The following SPATA17 variants were observed in gnomAD, a reference collection of about 807,000 sequenced individuals.
The protein encoded by SPATA17 is spermatogenesis associated 17.
In SPATA17, 53 loss-of-function variants were observed where a neutral mutation model predicts 62.2. The observed-to-expected ratio is 0.85, with a 90% CI of 0.68 to 1.07. The LOEUF (loss-of-function observed/expected upper bound fraction) is 1.07, where lower values mean the gene tolerates loss of function less well. SPATA17 is among the 50% of genes least tolerant of loss of function. The probability of loss-of-function intolerance (pLI) is 0.00; values close to 1 mark genes in which losing one functional copy is unlikely to be tolerated. For missense variants in SPATA17, 466 were observed against 425.5 expected, an observed-to-expected ratio of 1.10 and a Z score of -0.84; for synonymous variants, 146 against 146.8, an observed-to-expected ratio of 0.99 and a Z score of 0.04.
chr1:217,858,594 A>G (rs1330980510), intron 9 of SPATA17, among the ~76,000 whole-genome samples: 1 of 152,112 alleles, frequency 6.6e-6, no homozygotes, highest in Non-Finnish European at 1.5e-5. Context: ...TTTATTATTG[A>G]TTCAGTTTTT....
intron 5 of SPATA17, among the ~76,000 whole-genome samples, chr1:217,704,868 T>C (rs1398473438): frequency 1.3e-5 from 2 of 152,214 alleles, no homozygotes; most frequent in African/African-American, 4.8e-5. Flanking sequence ...CGAACAGACA[T>C]GAGCACATGT....
chr1:217,743,664 C>T (rs1416488604), intron 6 of SPATA17, among the ~76,000 whole-genome samples: 2 of 151,740 alleles, frequency 1.3e-5, no homozygotes, highest in African/African-American at 4.8e-5. Context: ...GGCTGGAGTA[C>T]AGTGGCGTGA....
chr1:217,799,286 A>T (rs1674234516), intron 8 of SPATA17, among the ~76,000 whole-genome samples: 1 of 152,210 alleles, frequency 6.6e-6, no homozygotes, highest in Non-Finnish European at 1.5e-5. Context: ...CCAGTCTTCC[A>T]GCCTTGTCGT....
At chr1:217,741,108 T>G (rs1369137787) in intron 5 of SPATA17, among the ~76,000 whole-genome samples, 1 of 152,190 alleles carries the variant, frequency 6.6e-6, no homozygotes, top group African/African-American at 2.4e-5. Flanking sequence ...TATTTAAAAC[T>G]TTACTTACAG....
chr1:217,792,783 T>C (rs17675600), intron 8 of SPATA17, among the ~76,000 whole-genome samples: 4,784 of 152,150 alleles, frequency 0.031, 108 homozygotes, highest in Middle Eastern at 0.061. Context: ...AATACAGTTT[T>C]TTTTGTGAGA....
chr1:217,763,790 A>C (rs1403467710), intron 6 of SPATA17, among the ~76,000 whole-genome samples: 2 of 152,064 alleles, frequency 1.3e-5, no homozygotes, highest in Non-Finnish European at 2.9e-5. Flanking sequence ...AATTAATAGA[A>C]CTCGTTAGTG....
intron 5 of SPATA17, among the ~76,000 whole-genome samples, chr1:217,720,918 C>G (rs942613089): frequency 1.3e-5 from 2 of 151,968 alleles, no homozygotes; most frequent in Non-Finnish European, 1.5e-5. Flanking sequence ...ATATTTTGGG[C>G]CAGAACTATT....
intron 4 of SPATA17, among the ~76,000 whole-genome samples, chr1:217,669,289 A>G (rs1438853106): frequency 6.6e-6 from 1 of 152,192 alleles, no homozygotes; most frequent in African/African-American, 2.4e-5. Flanking sequence ...TGTAATTATA[A>G]ATGCTTATGT....
At chr1:217,866,797 A>T (rs1676022176) in intron 10 of SPATA17, 1 of 151,916 alleles carries the variant, frequency 6.6e-6, no homozygotes, top group African/African-American at 2.4e-5. Flanking sequence ...CTAAGAGAGG[A>T]AGACTTAAAT....
At chr1:217,746,298 T>C (rs1672749695) in intron 6 of SPATA17, among the ~76,000 whole-genome samples, 1 of 151,960 alleles carries the variant, frequency 6.6e-6, no homozygotes, top group African/African-American at 2.4e-5. Context: ...TTGATCTGCT[T>C]AAAAGGAATA....
intron 6 of SPATA17, among the ~76,000 whole-genome samples, chr1:217,752,647 T>C (rs1005364442): frequency 1.3e-5 from 2 of 152,074 alleles, no homozygotes; most frequent in African/African-American, 4.8e-5. Context: ...GAAAGGAGAG[T>C]CTTCCATTTT....
chr1:217,664,823 C>G (rs979895756), intron 3 of SPATA17, among the ~76,000 whole-genome samples: 4 of 152,052 alleles, frequency 2.6e-5, no homozygotes, highest in African/African-American at 9.7e-5. Context: ...TAGGAGAATG[C>G]TAGCTTCTTA....
chr1:217,743,088 A>G (rs1337281718), intron 6 of SPATA17, among the ~76,000 whole-genome samples: 1 of 151,436 alleles, frequency 6.6e-6, no homozygotes, highest in Non-Finnish European at 1.5e-5. Flanking sequence ...ATTTACTTGG[A>G]TTTGTGTAGC....
At chr1:217,821,655 T>A (rs1039903462) in intron 9 of SPATA17, among the ~76,000 whole-genome samples, 1 of 152,040 alleles carries the variant, frequency 6.6e-6, no homozygotes, top group Non-Finnish European at 1.5e-5. Context: ...GAGGAATAGC[T>A]GTAGGGAGAT....
intron 9 of SPATA17, among the ~76,000 whole-genome samples, chr1:217,808,375 ACACACACC>A (rs781373643): frequency 1.3e-3 from 115 of 90,488 alleles, no homozygotes; most frequent in African/African-American, 3.3e-3. Flanking sequence ...ACACACACAC[ACACACACC>A]CCCCTCAGAA....
intron 6 of SPATA17, 150 bp from the exon 7 acceptor site, chr1:217,774,184 T>C: frequency 1.6e-6 from 1 of 616,632 alleles, no homozygotes; most frequent in Non-Finnish European, 2.8e-6. Context: ...AAAATCTCTT[T>C]AGGTAAATCT....
chr1:217,632,963 A>G (rs1381702659), intron 1 of SPATA17, among the ~76,000 whole-genome samples: 2 of 151,550 alleles, frequency 1.3e-5, no homozygotes, highest in Non-Finnish European at 2.9e-5. Context: ...TTTGGGAGGC[A>G]GAGGCAGATG....
At chr1:217,835,382 A>G (rs1047684154) in intron 9 of SPATA17, among the ~76,000 whole-genome samples, 10 of 152,184 alleles carry the variant, frequency 6.6e-5, no homozygotes, top group East Asian at 3.9e-4. Flanking sequence ...CTGCTTATAT[A>G]GAAATTAACA....
chr1:217,804,067 C>G (rs1329615750), intron 9 of SPATA17, among the ~76,000 whole-genome samples: 2 of 151,706 alleles, frequency 1.3e-5, no homozygotes, highest in African/African-American at 4.8e-5. Flanking sequence ...CCTAAAATTC[C>G]TGAACCACAA....
Sources: gnomAD v4.1 joint callset for allele counts (sites outside exome capture counted in the v4.1 genomes callset) on GRCh38, gnomAD v4.1.1 for gene constraint, MANE v1.5 for transcripts, NCBI Gene and HGNC (gene_info 2026-07-23, HGNC 2026-07-21) for gene names.